The following GMPR2 variants were observed in gnomAD, a reference collection of about 807,000 sequenced individuals.
GMPR2 encodes the protein GMP reductase 2.
GMPR2 carries 32 observed loss-of-function variants against 38.5 expected under a neutral mutation model. The observed-to-expected ratio is 0.83, with a 90% CI of 0.63 to 1.12. The LOEUF (loss-of-function observed/expected upper bound fraction) is 1.12. Among genes scored for constraint, GMPR2 ranks in the 50% most tolerant of loss-of-function variants. GMPR2 has a pLI of 0.00. For synonymous variants in GMPR2, 154 were observed against 151.0 expected (o/e 1.02, Z -0.15); for missense variants, 396 against 432.1 (o/e 0.92, Z 0.74).
Position 24,238,576 on chromosome 14 carries a change from T to C in GMPR2, c.858-13T>C. On this transcript the variant is annotated splice_polypyrimidine_tract_variant and intron_variant, in intron 9 of 9. Transcript: ENST00000399440. Reference sequence around the variant, plus strand: ...CCAGAAGGAGAAGATAATAAAGTTTTTCCTACTTTAAGAGCCTCAGAGGGA... The same window carrying C: ...CCAGAAGGAGAAGATAATAAAGTTTCTCCTACTTTAAGAGCCTCAGAGGGA... The C allele has an allele frequency of 6.2e-7, 1 of 1,613,926 alleles. No homozygotes were observed. Among genetic ancestry groups the C allele is most frequent in the Non-Finnish European group, 8.5e-7 (1 of 1,179,844 alleles).
At chr14:24,234,507 G>A (rs577244275) in intron 3 of GMPR2, among the ~76,000 whole-genome samples, 2 of 152,180 alleles carry the variant, frequency 1.3e-5, no homozygotes, top group African/African-American at 4.8e-5. Context: ...CATCTGCCCT[G>A]ACCAGTAGAG....
chr14:24,233,895 G>C, intron 3 of GMPR2: 1 of 547,304 alleles, frequency 1.8e-6, no homozygotes, highest in South Asian at 2.0e-5. Flanking sequence ...CACCACCCAG[G>C]TCACCCCCTC....
chr14:24,236,522 C>T (rs578207268), intron 5 of GMPR2, among the ~76,000 whole-genome samples: 4 of 152,274 alleles, frequency 2.6e-5, no homozygotes, highest in African/African-American at 4.8e-5. Context: ...TCATTTTCTT[C>T]GCAGCATTGA....
chr14:24,236,117 C>T lies in GMPR2; in HGVS notation c.442C>T (p.Arg148Cys), dbSNP rs775457025. ...FVEFVKDVRK[R>C]FPQHTIMAGN... ...TGAATTTGTAAAAGATGTACGGAAG[C>T]GCTTCCCCCAGCACACCATCATGGT... Residue 148 changes from arginine (R) to cysteine (C), a missense_variant, in exon 5 of 10, where the codon CGC becomes TGC. Physicochemically the swap from Arg to Cys is radical, Grantham distance 180 (BLOSUM62 -3). Transcript: ENST00000399440. 13 of 1,613,774 alleles carry T rather than the reference C, an allele frequency of 8.1e-6. No homozygotes were observed. The highest frequency in any genetic ancestry group is 3.3e-4 in the Middle Eastern group (2 of 6,084).
chr14:24,234,129 G>T, intron 3 of GMPR2: 1 of 1,289,328 alleles, frequency 7.8e-7, no homozygotes, highest in Non-Finnish European at 1.0e-6. Context: ...GGGAGTTTCT[G>T]GGATGTGCCC....
At chr14:24,238,168 G>T in intron 8 of GMPR2, 78 bp from the exon 9 acceptor site, 1 of 1,254,706 alleles carries the variant, frequency 8.0e-7, no homozygotes. Flanking sequence ...TGAGAATATG[G>T]TGTGAGTTGC....
chr14:24,238,187 G>A, intron 8 of GMPR2, 59 bp from the exon 9 acceptor site: 1 of 1,441,012 alleles, frequency 6.9e-7, no homozygotes, highest in Non-Finnish European at 9.5e-7. Context: ...GCTTTTGAGG[G>A]TGGCCATGTG....
chr14:24,238,780 C>G lies in GMPR2; in HGVS notation c.*2C>G. 6.2e-7 allele frequency: 1 copy of G among 1,610,982 alleles called. No homozygotes were observed. Among genetic ancestry groups the G allele is most frequent in the Non-Finnish European group, 8.5e-7 (1 of 1,179,218 alleles). On this transcript the variant is annotated 3_prime_UTR_variant, in exon 10 of 10. Coordinates refer to ENST00000399440, the MANE Select transcript of GMPR2 (RefSeq NM_001002002.3). ...CCAATCTTCAGTGAGGCGTGCTAGACCTGAGCAGTTCTACCCTCCCAAGGC... is the reference window on the plus strand; with the variant it reads ...CCAATCTTCAGTGAGGCGTGCTAGAGCTGAGCAGTTCTACCCTCCCAAGGC...
chr14:24,235,741 C>G lies in GMPR2; in HGVS notation c.212C>G (p.Ser71Cys), dbSNP rs757780925. ...GCTTCTTTGTCTTCTCCCCAGTTCT[C>G]TCTCTTCACTGCTGTCCATAAGCAC... is the stretch of plus-strand genomic sequence containing the variant. ...FEMAKVLCKFSLFTAVHKHYS... is the reference protein window; with the variant it reads ...FEMAKVLCKFCLFTAVHKHYS... Residue 71 changes from serine (S) to cysteine (C), a missense_variant, in exon 4 of 10, where the codon TCT becomes TGT. Ser to Cys is a moderately radical substitution (Grantham distance 112, BLOSUM62 -1). Transcript: ENST00000399440. 8 of 1,609,528 alleles carry G rather than the reference C, an allele frequency of 5.0e-6. No individual in the cohort carries two copies. Among genetic ancestry groups the G allele is most frequent in the South Asian group, 1.1e-5 (1 of 90,984 alleles).
At chr14:24,235,673 G>A (rs148326417) in intron 3 of GMPR2, 64 bp from the exon 4 acceptor site, 1 of 1,089,396 alleles carries the variant, frequency 9.2e-7, no homozygotes, top group Non-Finnish European at 1.4e-6. Flanking sequence ...GAATAGGTCT[G>A]TTTCTAGAAA....
chr14:24,232,683 C>T (rs2040100233), upstream of GMPR2: 1 of 228,922 alleles, frequency 4.4e-6, no homozygotes, highest in African/African-American at 2.3e-5. Context: ...ATCCAGAAGG[C>T]CTCGCCCTGC....
Position 24,237,072 on chromosome 14 carries a change from CAGGG to C in GMPR2, c.469_472del (p.Gly157MetfsTer3). Reference sequence around the variant, plus strand: ...TGTATTTCAATTGCTCTGTCTCAGGCAGGGAATGTGGTAACAGGAGAGATGGTAG... The same window carrying C: ...TGTATTTCAATTGCTCTGTCTCAGGCAATGTGGTAACAGGAGAGATGGTAG... On this transcript the variant is annotated frameshift_variant and splice_region_variant, in exon 6 of 10. Coordinates refer to ENST00000399440, the MANE Select transcript of GMPR2 (RefSeq NM_001002002.3). LOFTEE classifies it high-confidence loss of function. 6.2e-7 allele frequency: 1 copy of C among 1,610,200 alleles called. No homozygotes were observed. The highest frequency in any genetic ancestry group is 8.5e-7 in the Non-Finnish European group (1 of 1,176,474).
intron 3 of GMPR2, chr14:24,235,498 C>A (rs1010718066): frequency 3.7e-6 from 2 of 537,862 alleles, no homozygotes; most frequent in Non-Finnish European, 6.6e-6. Flanking sequence ...TGAAATCCAA[C>A]CCAGATCACT....
intron 8 of GMPR2, 148 bp from the exon 9 acceptor site, chr14:24,238,098 G>A (rs890640671): frequency 1.0e-5 from 7 of 687,398 alleles, no homozygotes; most frequent in Admixed American, 2.8e-5. Context: ...TCAGGCCTGC[G>A]TGGATTGTGG....
At chr14:24,232,765 G>C (rs969977841), upstream of GMPR2, 18 of 233,796 alleles carry the variant, frequency 7.7e-5, 1 homozygote, top group South Asian at 7.8e-4. Flanking sequence ...GCGTGGCCCA[G>C]AAGGCTTAGC....
chr14:24,235,521 G>A, intron 3 of GMPR2: 1 of 568,064 alleles, frequency 1.8e-6, no homozygotes, highest in Non-Finnish European at 3.1e-6. Context: ...GTACTTTGGT[G>A]GGAAATCTGA....
chr14:24,235,983 C>A lies in GMPR2; in HGVS notation c.308C>A (p.Ser103Ter). The change falls in exon 5 of 10, where the codon TCA becomes TAA. Residue 103 changes from serine (S) to a stop codon, truncating the protein, a stop_gained. Coordinates refer to ENST00000399440, the MANE Select transcript of GMPR2 (RefSeq NM_001002002.3). LOFTEE classifies it high-confidence loss of function. ...CTCCCACAGCATCTGGCTGCCAGCTCAGGCACAGGCTCTTCTGACTTTGAG... is the reference window on the plus strand; with the variant it reads ...CTCCCACAGCATCTGGCTGCCAGCTAAGGCACAGGCTCTTCTGACTTTGAG... ...PDCLEHLAAS[S>*]GTGSSDFEQL... 2 of 1,614,046 alleles carry A rather than the reference C, an allele frequency of 1.2e-6. No individual in the cohort carries two copies. Among genetic ancestry groups the A allele is most frequent in the Non-Finnish European group, 1.7e-6 (2 of 1,179,944 alleles).
At chr14:24,238,493 C>T (rs774227431) in intron 9 of GMPR2, 88 bp downstream of exon 9, 21 of 1,613,974 alleles carry the variant, frequency 1.3e-5, no homozygotes, top group Non-Finnish European at 1.3e-5. Context: ...CTCAGAGAAG[C>T]ATGGTGAACC....
In GMPR2 at chr14:24,236,027, G is replaced by A. The variant is rs537372849; in HGVS notation, c.352G>A (p.Glu118Lys). ...CTTTGAGCAGCTGGAACAGATCCTG[G>A]AAGCTATTCCCCAGGTGAAGTATAT... ...SDFEQLEQIL[E>K]AIPQVKYICL... The change falls in exon 5 of 10, where the codon GAA (glutamate) becomes AAA (lysine). Residue 118 changes from glutamate to lysine, a missense_variant. Glu to Lys is a moderately conservative substitution (Grantham distance 56, BLOSUM62 1). Transcript: ENST00000399440. The A allele has an allele frequency of 2.9e-5, 47 of 1,613,934 alleles. 1 individual carries two copies. The South Asian group carries it at 4.8e-4, about 17-fold the overall frequency.
Sources: allele counts gnomAD v4.1 joint callset (sites outside exome capture counted in the v4.1 genomes callset), GRCh38; gene constraint gnomAD v4.1.1; transcripts MANE v1.5; gene names NCBI Gene and HGNC (gene_info 2026-07-23, HGNC 2026-07-21).